NEGR1: variants seen among roughly 807,000 people sequenced by gnomAD.
The protein encoded by NEGR1 is IgLON family member 4.
A neutral mutation model predicts 40.9 loss-of-function variants in NEGR1; 10 were observed. That is an observed-to-expected ratio of 0.24 (90% CI 0.15 to 0.42). NEGR1 has a LOEUF of 0.42. Ranked by LOEUF, NEGR1 falls within the 10% of genes least tolerant of loss-of-function variation. The probability of loss-of-function intolerance (pLI) is 1.00; values close to 1 mark genes in which losing one functional copy is unlikely to be tolerated. For synonymous variants in NEGR1, 185 were observed against 166.8 expected (o/e 1.11, Z -0.84); for missense variants, 352 against 438.9 (o/e 0.80, Z 1.77).
At chr1:72,262,330 A>T (rs774533488) in intron 1 of NEGR1, among the ~76,000 whole-genome samples, 12 of 152,066 alleles carry the variant, frequency 7.9e-5, no homozygotes, top group African/African-American at 2.9e-4. Context: ...CCTTCTCCTG[A>T]AGTGAAAGCT....
intron 6 of NEGR1, among the ~76,000 whole-genome samples, chr1:71,537,789 A>G (rs1186801792): frequency 6.6e-6 from 1 of 151,756 alleles, no homozygotes; most frequent in South Asian, 2.1e-4. Context: ...TTGTTTTTAT[A>G]TGGATTGGTT....
intron 4 of NEGR1, among the ~76,000 whole-genome samples, chr1:71,646,223 C>CAT (rs35613829): frequency 0.036 from 5,515 of 151,672 alleles, 130 homozygotes; most frequent in African/African-American, 0.072. Flanking sequence ...TACATAAACA[C>CAT]ATATATATAC....
intron 1 of NEGR1, among the ~76,000 whole-genome samples, chr1:72,234,353 C>T (rs1030992036): frequency 2.0e-5 from 3 of 151,912 alleles, no homozygotes; most frequent in East Asian, 3.9e-4. Context: ...CCATTCTGGA[C>T]ACGTGAACTG....
In NEGR1 at chr1:71,984,283, C is replaced by CT. The variant is rs557837157; in HGVS notation, c.177-48973dup. Among the ~76,000 whole-genome samples, 41 of 118,324 alleles carry CT rather than the reference C, an allele frequency of 3.5e-4. 10 individuals carry two copies. The East Asian group carries it at 0.014, about 39-fold the overall frequency. The allele number at this position is 118,324 out of a possible 152,430, so 77.6% of individuals were successfully genotyped here. On this transcript the variant is annotated intron_variant, in intron 1 of 6. Coordinates refer to ENST00000357731, the MANE Select transcript of NEGR1 (RefSeq NM_173808.3). ...CAGAATATTTATTCTGTTAAAATAACTTTTTTTTAATTAAAAAAATGATTT... is the reference window on the plus strand; with the variant it reads ...CAGAATATTTATTCTGTTAAAATAACTTTTTTTTTAATTAAAAAAATGATTT...
At chr1:71,726,452 G>C (rs551442006) in intron 3 of NEGR1, among the ~76,000 whole-genome samples, 1 of 152,108 alleles carries the variant, frequency 6.6e-6, no homozygotes, top group Non-Finnish European at 1.5e-5. Flanking sequence ...ACTGTTTTAA[G>C]TACTGAAGAT....
chr1:71,660,779 C>T (rs981678455), intron 4 of NEGR1, among the ~76,000 whole-genome samples: 2 of 152,186 alleles, frequency 1.3e-5, no homozygotes, highest in Non-Finnish European at 1.5e-5. Flanking sequence ...TATACACGTG[C>T]CATGGTGGTT....
chr1:71,573,063 A>T (rs1171978482), intron 6 of NEGR1, among the ~76,000 whole-genome samples: 2 of 152,198 alleles, frequency 1.3e-5, no homozygotes, highest in Non-Finnish European at 2.9e-5. Context: ...CCCACATACA[A>T]AATTACATGA....
At chr1:72,130,300 C>G (rs1356847891) in intron 1 of NEGR1, among the ~76,000 whole-genome samples, 1 of 152,056 alleles carries the variant, frequency 6.6e-6, no homozygotes, top group African/African-American at 2.4e-5. Flanking sequence ...GGTTTTTTGC[C>G]CGAAACACTG....
In NEGR1 at chr1:71,592,803, A is replaced by T. The variant is rs752377945; in HGVS notation, c.940+14T>A. On this transcript the variant is annotated intron_variant, in intron 6 of 6. Transcript: ENST00000357731. Reference sequence around the variant, plus strand: ...AGGCCCCTGGAAGCATTTTGGTACCATTGCATTACTTACGGTTAAGAGGCA... The same window carrying T: ...AGGCCCCTGGAAGCATTTTGGTACCTTTGCATTACTTACGGTTAAGAGGCA... 1.1e-5 allele frequency: 17 copies of T among 1,602,064 alleles called. No individual in the cohort carries two copies. In the South Asian group the frequency reaches 1.1e-4, roughly 10 times the overall value.
intron 4 of NEGR1, among the ~76,000 whole-genome samples, chr1:71,672,078 G>A (rs1652456747): frequency 6.6e-6 from 1 of 151,822 alleles, no homozygotes; most frequent in South Asian, 2.1e-4. Flanking sequence ...CTCTACTATT[G>A]AAAGTAACAT....
intron 1 of NEGR1, among the ~76,000 whole-genome samples, chr1:72,085,542 T>C (rs1202351463): frequency 6.6e-6 from 1 of 152,232 alleles, no homozygotes; most frequent in African/African-American, 2.4e-5. Context: ...TAATCAGTTC[T>C]CTGAGGAAAA....
chr1:72,000,624 G>A (rs139148313), intron 1 of NEGR1, among the ~76,000 whole-genome samples: 5 of 152,098 alleles, frequency 3.3e-5, no homozygotes, highest in South Asian at 2.1e-4. Context: ...CTTTCATCAC[G>A]TCATGTTTGT....
chr1:72,154,610 T>A (rs1313333344), intron 1 of NEGR1, among the ~76,000 whole-genome samples: 3 of 152,054 alleles, frequency 2.0e-5, no homozygotes, highest in Non-Finnish European at 4.4e-5. Context: ...GACTGTACAC[T>A]TCATGGAAAA....
chr1:71,502,158 C>T (rs1468082411), intron 6 of NEGR1, among the ~76,000 whole-genome samples: 3 of 152,076 alleles, frequency 2.0e-5, no homozygotes, highest in South Asian at 2.1e-4. Context: ...CTGCATTGCT[C>T]ATGCACCCAG....
intron 2 of NEGR1, among the ~76,000 whole-genome samples, chr1:71,839,070 T>C (rs1020159802): frequency 1.1e-4 from 17 of 151,804 alleles, no homozygotes; most frequent in African/African-American, 4.1e-4. Flanking sequence ...TGTGCATATC[T>C]GTGCCTCAGC....
chr1:71,996,685 A>G (rs1027609084), intron 1 of NEGR1, among the ~76,000 whole-genome samples: 1 of 152,114 alleles, frequency 6.6e-6, no homozygotes, highest in African/African-American at 2.4e-5. Context: ...TACCTGGGGA[A>G]ATCTGTAATC....
intron 6 of NEGR1, among the ~76,000 whole-genome samples, chr1:71,551,524 T>C (rs1379258897): frequency 6.6e-6 from 1 of 151,670 alleles, no homozygotes; most frequent in East Asian, 1.9e-4. Context: ...TTTCTTGCAC[T>C]TATTTATATT....
chr1:71,974,215 T>A (rs942203330), intron 1 of NEGR1, among the ~76,000 whole-genome samples: 6 of 152,184 alleles, frequency 3.9e-5, no homozygotes, highest in Admixed American at 6.5e-5. Context: ...CATGCTGATT[T>A]TCCATATTAC....
rs542961125 is a variant in NEGR1 at position 71,456,362 on chromosome 1, C to T, written c.941-48792G>A. Among the ~76,000 whole-genome samples, 5 of 152,298 alleles carry T rather than the reference C, an allele frequency of 3.3e-5. No homozygotes were observed. The East Asian group carries it at 9.7e-4, about 29-fold the overall frequency. ...GTCTCAAGCAATTCTCTTGCCTCAACCTCTCAAACTGCTAGGATTGCAACA... is the reference window on the plus strand; with the variant it reads ...GTCTCAAGCAATTCTCTTGCCTCAATCTCTCAAACTGCTAGGATTGCAACA... On this transcript the variant is annotated intron_variant, in intron 6 of 6. Coordinates refer to ENST00000357731, the MANE Select transcript of NEGR1 (RefSeq NM_173808.3).
Sources: allele counts gnomAD v4.1 joint callset (sites outside exome capture counted in the v4.1 genomes callset), GRCh38; gene constraint gnomAD v4.1.1; transcripts MANE v1.5; gene names NCBI Gene and HGNC (gene_info 2026-07-23, HGNC 2026-07-21).